Variants in PIEZO2 observed in about 807,000 individuals in gnomAD.
PIEZO2 encodes the protein piezo-type mechanosensitive ion channel component 2.
PIEZO2 carries 172 observed loss-of-function variants against 337.3 expected under a neutral mutation model. That is an observed-to-expected ratio of 0.51 (90% CI 0.45 to 0.58). The LOEUF (loss-of-function observed/expected upper bound fraction) is 0.58. Among genes scored for constraint, PIEZO2 ranks in the 20% least tolerant of loss-of-function variants. PIEZO2 has a pLI of 0.00. For synonymous variants in PIEZO2, 1,251 were observed against 1,228.5 expected, an observed-to-expected ratio of 1.02 and a Z score of -0.38; for missense variants, 3,028 against 3,391.3, an observed-to-expected ratio of 0.89 and a Z score of 2.66.
chr18:10,937,765 T>C (rs1267640930), intron 3 of PIEZO2, among the ~76,000 whole-genome samples: 1 of 152,204 alleles, frequency 6.6e-6, no homozygotes, highest in Non-Finnish European at 1.5e-5. Context: ...CAATCCAGGA[T>C]GTCCTAGGAG....
intron 1 of PIEZO2, among the ~76,000 whole-genome samples, chr18:11,100,771 A>AT (rs1271857532): frequency 2.0e-5 from 3 of 152,050 alleles, no homozygotes; most frequent in African/African-American, 4.8e-5. Flanking sequence ...AATTTTTTGT[A>AT]TTTTTAGTAG....
intron 16 of PIEZO2, 57 bp from the exon 17 acceptor site, chr18:10,785,014 ACT>A (rs2144118100): frequency 4.1e-6 from 6 of 1,472,486 alleles, no homozygotes; most frequent in East Asian, 4.9e-5. Context: ...GAAGTCACAA[ACT>A]CTTTGTGATA....
intron 7 of PIEZO2, among the ~76,000 whole-genome samples, chr18:10,809,065 A>G (rs1467709956): frequency 6.6e-6 from 1 of 152,202 alleles, no homozygotes; most frequent in Non-Finnish European, 1.5e-5. Context: ...CACTGATAAC[A>G]TAACTGATTC....
At chr18:10,785,325 CT>C (rs2144120290) in intron 16 of PIEZO2, among the ~76,000 whole-genome samples, 1 of 152,294 alleles carries the variant, frequency 6.6e-6, no homozygotes, top group South Asian at 2.1e-4. Context: ...CCCCAGGACT[CT>C]GTTTTGATCT....
intron 21 of PIEZO2, among the ~76,000 whole-genome samples, chr18:10,764,124 A>G (rs2038255386): frequency 6.6e-6 from 1 of 152,224 alleles, no homozygotes; most frequent in African/African-American, 2.4e-5. Context: ...TTTATAGTTA[A>G]TAGTCCATTG....
intron 1 of PIEZO2, among the ~76,000 whole-genome samples, chr18:11,134,672 CTT>C (rs2146254565): frequency 6.6e-6 from 1 of 152,296 alleles, no homozygotes; most frequent in African/African-American, 2.4e-5. Flanking sequence ...GTACTAAACT[CTT>C]AGAAATTCAC....
At chr18:10,886,380 GTA>G (rs1173330460) in intron 4 of PIEZO2, among the ~76,000 whole-genome samples, 57 of 3,032 alleles carry the variant, frequency 0.019, 2 homozygotes, top group Admixed American at 0.047. Flanking sequence ...GTGTGTGTGT[GTA>G]TATATATATA....
chr18:10,933,210 TA>T (rs546529821), intron 3 of PIEZO2, among the ~76,000 whole-genome samples: 1,774 of 149,366 alleles, frequency 0.012, 31 homozygotes, highest in African/African-American at 0.04. Flanking sequence ...TTTAATCGGT[TA>T]AAAAAAAAAG....
rs2144156946 is a variant in PIEZO2, at chr18:10,789,366, C to G, written c.1883-1G>C. The G allele has an allele frequency of 6.5e-7, 1 of 1,533,618 alleles. No homozygotes were observed. Among genetic ancestry groups the G allele is most frequent in the Non-Finnish European group, 8.7e-7 (1 of 1,145,386 alleles). On this transcript the variant is annotated splice_acceptor_variant, in intron 14 of 55. Coordinates refer to ENST00000674853, the MANE Select transcript of PIEZO2 (RefSeq NM_001378183.1). LOFTEE classifies it high-confidence loss of function. The stretch of plus-strand genomic sequence containing the variant: ...ACTTGTATATCTTGAAGTTCCTCAT[C>G]TTCAAATAGAAAACTGTGCTGTTAT...
intron 4 of PIEZO2, among the ~76,000 whole-genome samples, chr18:10,897,223 G>C (rs2144976311): frequency 6.6e-6 from 1 of 150,770 alleles, no homozygotes; most frequent in South Asian, 2.1e-4. Flanking sequence ...GCCTCGCTCT[G>C]TCTCCCAGGC....
intron 1 of PIEZO2, among the ~76,000 whole-genome samples, chr18:11,145,572 C>T (rs575475742): frequency 1.3e-5 from 2 of 152,096 alleles, no homozygotes; most frequent in Non-Finnish European, 2.9e-5. Flanking sequence ...AATGTAAAAT[C>T]GATTCTAATG....
chr18:10,682,076 T>A lies in PIEZO2; in HGVS notation c.7686+28A>T, dbSNP rs2034291371. 1 of 1,518,924 alleles carries A rather than the reference T, an allele frequency of 6.6e-7. No homozygotes were observed. The highest frequency in any genetic ancestry group is 8.8e-7 in the Non-Finnish European group (1 of 1,135,674). 94.1% of individuals were successfully genotyped at this position (1,518,924 alleles called of 1,614,324 possible). A position where few individuals can be genotyped will look rare whatever the true frequency, so the allele number is the denominator to read the frequency against. On this transcript the variant is annotated intron_variant, in intron 50 of 55. Transcript: ENST00000674853. This position sits in a 1 kb window ranked among gnomAD's most constrained non-coding sequence, Gnocchi z 5.6. ...AGGAATGTGGCGTGGGGCAAGGCTC[T>A]GGTAGGTGGGGTGTGCACAGAGATC...
Position 11,110,262 on chromosome 18 carries a change from T to C in PIEZO2, c.64+38263A>G, listed in dbSNP as rs953953170. On this transcript the variant is annotated intron_variant, in intron 1 of 55. Transcript: ENST00000674853. This position sits in a 1 kb window ranked among gnomAD's most constrained non-coding sequence, Gnocchi z 4.2. ...CGTCCCAAAGTGCTGGGACTACAGG[T>C]GCAAGCCTCCTCATTTTTCTAATAA... Among the ~76,000 whole-genome samples, 43 of 152,202 alleles carry C rather than the reference T, an allele frequency of 2.8e-4. No individual in the cohort carries two copies. Among genetic ancestry groups the C allele is most frequent in the Middle Eastern group, 6.3e-3 (2 of 316 alleles).
At position 10,766,524 on chromosome 18, in the gene PIEZO2, A is replaced by G. The variant is rs2038364937; in HGVS notation, c.2947-3426T>C. Among the ~76,000 whole-genome samples the G allele has an allele frequency of 6.6e-6, 1 of 152,174 alleles. No homozygotes were observed. The highest frequency in any genetic ancestry group is 1.5e-5 in the Non-Finnish European group (1 of 68,026). On this transcript the variant is annotated intron_variant, in intron 21 of 55. Coordinates refer to ENST00000674853, the MANE Select transcript of PIEZO2 (RefSeq NM_001378183.1). The surrounding 1 kb of genome is among the most constrained non-coding windows in gnomAD (Gnocchi z 6.1). ...AAAAAAGCCCTGTACACAGGTTGTC[A>G]TCCTATCTGAATATAACCTTGTGGG... is the stretch of plus-strand genomic sequence containing the variant.
intron 4 of PIEZO2, among the ~76,000 whole-genome samples, chr18:10,876,754 T>C (rs1006817126): frequency 6.6e-6 from 1 of 152,202 alleles, no homozygotes; most frequent in African/African-American, 2.4e-5. Flanking sequence ...TCAGGCTTTT[T>C]ACTTTCTCAC....
At chr18:11,050,095 G>C (rs978416098) in intron 2 of PIEZO2, among the ~76,000 whole-genome samples, 1 of 152,030 alleles carries the variant, frequency 6.6e-6, no homozygotes, top group Non-Finnish European at 1.5e-5. Flanking sequence ...TATGACATCT[G>C]TACCATCTCA....
chr18:10,700,278 AAGCACTTTTGAAAT>A (rs2035276839), intron 43 of PIEZO2, among the ~76,000 whole-genome samples: 1 of 152,144 alleles, frequency 6.6e-6, no homozygotes, highest in Non-Finnish European at 1.5e-5. Flanking sequence ...GGATGGTTTC[AAGCACTTTTGAAAT>A]TTCTGCAGTT....
intron 2 of PIEZO2, among the ~76,000 whole-genome samples, chr18:11,034,848 C>G (rs191799378): frequency 3.3e-5 from 5 of 152,164 alleles, no homozygotes; most frequent in Non-Finnish European, 5.9e-5. Flanking sequence ...CCGTCTCAAA[C>G]AAAAACAAAC....
Position 10,698,976 on chromosome 18 carries a change from T to A in PIEZO2, c.6643A>T (p.Ser2215Cys). The change falls in exon 44 of 56, where the codon AGC (serine) becomes TGC (cysteine). Residue 2215 changes from serine (S) to cysteine (C), a missense_variant. Around this residue, in one of 5 missense-constraint regions of PIEZO2, gnomAD observed 1,925 missense variants for 2,051.9 expected, o/e 0.94. Transcript: ENST00000674853. ...TAVRRKRSGS[S>C]SEPSQRSSFS... ...CTGGATCTCTGGGATGGCTCGGAGC[T>A]GCTGCCGGAGCGCTTCCTCCGGACA... 1 of 1,536,946 alleles carries A rather than the reference T, an allele frequency of 6.5e-7. No individual in the cohort carries two copies. The highest frequency in any genetic ancestry group is 8.7e-7 in the Non-Finnish European group (1 of 1,146,922).
Sources: gnomAD v4.1 joint callset for allele counts (sites outside exome capture counted in the v4.1 genomes callset) on GRCh38, gnomAD v4.1.1 for gene constraint, gnomAD v4.1.1 regional missense constraint, Gnocchi (gnomAD v3.1) non-coding constraint, MANE v1.5 for transcripts, NCBI Gene and HGNC (gene_info 2026-07-23, HGNC 2026-07-21) for gene names.